Variants in SYNE2 observed in about 807,000 individuals in gnomAD.
SYNE2 encodes nesprin-2.
A neutral mutation model predicts 856.3 loss-of-function variants in SYNE2; 431 were observed. The observed-to-expected ratio is 0.50, with a 90% CI of 0.47 to 0.55. SYNE2 has a LOEUF of 0.55. SYNE2 is among the 20% of genes least tolerant of loss of function. SYNE2 has a pLI of 0.00. For missense variants in SYNE2, 8,129 were observed against 8,023.2 expected (o/e 1.01, Z -0.50); for synonymous variants, 2,923 against 2,872.3 (o/e 1.02, Z -0.56).
At chr14:64,206,113 T>G (rs2098604149) in intron 100 of SYNE2, among the ~76,000 whole-genome samples, 1 of 152,228 alleles carries the variant, frequency 6.6e-6, no homozygotes, top group Non-Finnish European at 1.5e-5. Context: ...CTCATTCTTC[T>G]GGCTGCATTC....
intron 1 of SYNE2, among the ~76,000 whole-genome samples, chr14:63,881,614 A>C (rs1053815504): frequency 1.7e-4 from 26 of 148,596 alleles, no homozygotes; most frequent in African/African-American, 5.9e-4. Context: ...TAAATATATA[A>C]TTATAATTAT....
In SYNE2 at chr14:64,219,422, G is replaced by T; in HGVS notation, c.19860+12G>T. On this transcript the variant is annotated intron_variant, in intron 110 of 115. Transcript: ENST00000555002. ...TGAAGAGACTGCAGGTGAGTTAGAG[G>T]TGTGGTGGGGAAGAGGGATTCAGAA... 2 of 1,613,318 alleles carry T rather than the reference G, an allele frequency of 1.2e-6. No individual in the cohort carries two copies. The highest frequency in any genetic ancestry group is 1.7e-6 in the Non-Finnish European group (2 of 1,179,418).
Position 63,845,743 on chromosome 14 carries a change from C to CTT in SYNE2, c.-304-6744_-304-6743dup, listed in dbSNP as rs762078790. Among the ~76,000 whole-genome samples, 441 of 135,562 alleles carry CTT rather than the reference C, an allele frequency of 3.3e-3. 3 individuals are homozygous for CTT. The highest frequency in any genetic ancestry group is 0.011 in the African/African-American group (403 of 37,080). 88.9% of individuals were successfully genotyped at this position (135,562 alleles called of 152,430 possible). On this transcript the variant is annotated intron_variant, in intron 1 of 23. Coordinates refer to the SYNE2 transcript ENST00000674003. The stretch of plus-strand genomic sequence containing the variant: ...TTGATTTAGGTTTCTTTTTTCTTTT[C>CTT]TTTTTTTTTTTTTTTGAGACATAGT...
chr14:64,052,758 C>A lies in SYNE2; in HGVS notation c.8845C>A (p.His2949Asn). ...CAAGATAAAGTTTTGCAGACAATTC[C>A]ATGAAAAAACATCAGCGCTTCAGGA... The part of the protein sequence containing the change: ...EHKIKFCRQF[H>N]EKTSALQEEA... The change falls in exon 48 of 116, where the codon CAT (histidine) becomes AAT (asparagine). Residue 2949 changes from histidine (H) to asparagine (N), a missense_variant. Around this residue, in one of 3 missense-constraint regions of SYNE2, gnomAD observed 5,410 missense variants for 5,284.8 expected, o/e 1.02. Transcript: ENST00000555002. The A allele has an allele frequency of 2.5e-6, 4 of 1,611,696 alleles. No homozygotes were observed. The highest frequency in any genetic ancestry group is 3.4e-6 in the Non-Finnish European group (4 of 1,179,084).
intron 1 of SYNE2, among the ~76,000 whole-genome samples, chr14:63,892,852 G>A (rs2095167382): frequency 6.6e-6 from 1 of 151,498 alleles, no homozygotes; most frequent in South Asian, 2.1e-4. Flanking sequence ...TATAGGCTAG[G>A]GCTACCATGC....
intron 1 of SYNE2, among the ~76,000 whole-genome samples, chr14:63,826,337 G>A (rs955378924): frequency 3.3e-5 from 5 of 152,120 alleles, no homozygotes; most frequent in African/African-American, 1.2e-4. Context: ...GTCTCGCTCT[G>A]TTGCCAGTCA....
intron 45 of SYNE2, chr14:64,034,548 A>G (rs2097070445): frequency 1.9e-6 from 1 of 532,778 alleles, no homozygotes; most frequent in African/African-American, 1.9e-5. Flanking sequence ...TAGCATGTAT[A>G]TATTTGAATC....
intron 93 of SYNE2, among the ~76,000 whole-genome samples, chr14:64,169,690 C>T (rs1313795460): frequency 6.6e-6 from 1 of 152,188 alleles, no homozygotes; most frequent in Non-Finnish European, 1.5e-5. Flanking sequence ...CAAGCCAGTT[C>T]CAGGATGATA....
chr14:63,792,672 TGTTTG>T (rs746333903), intron 1 of SYNE2, among the ~76,000 whole-genome samples: 4 of 151,586 alleles, frequency 2.6e-5, no homozygotes, highest in South Asian at 4.1e-4. Flanking sequence ...TTTGTTTGTT[TGTTTG>T]TTTTTTAGAG....
chr14:63,884,059 C>CAT (rs2094926923), intron 1 of SYNE2, among the ~76,000 whole-genome samples: 2 of 152,070 alleles, frequency 1.3e-5, no homozygotes, highest in South Asian at 4.1e-4. Context: ...CCGCTCAGGG[C>CAT]GAAGCTTAGA....
chr14:64,040,451 C>A (rs1003895400), intron 45 of SYNE2, among the ~76,000 whole-genome samples: 1 of 151,622 alleles, frequency 6.6e-6, no homozygotes, highest in Non-Finnish European at 1.5e-5. Flanking sequence ...CAAAAAAAGT[C>A]ATTAAATGTA....
At chr14:64,082,552 G>A (rs2097532439) in intron 57 of SYNE2, among the ~76,000 whole-genome samples, 1 of 152,130 alleles carries the variant, frequency 6.6e-6, no homozygotes, top group Non-Finnish European at 1.5e-5. Flanking sequence ...GAGTCAATGA[G>A]AGCCAGCAAG....
intron 2 of SYNE2, among the ~76,000 whole-genome samples, chr14:63,931,132 T>C (rs1391898503): frequency 6.6e-6 from 1 of 152,136 alleles, no homozygotes; most frequent in Non-Finnish European, 1.5e-5. Context: ...AGGGAAAAAC[T>C]CACACATTTG....
chr14:64,168,108 T>G (rs2098391100), intron 92 of SYNE2, among the ~76,000 whole-genome samples: 1 of 152,132 alleles, frequency 6.6e-6, no homozygotes, highest in African/African-American at 2.4e-5. Context: ...AGATCCTGCT[T>G]TTTTTGGTGG....
chr14:64,224,923 AG>A (rs1316212747), intron 114 of SYNE2, 75 bp from the exon 115 acceptor site: 6 of 1,207,742 alleles, frequency 5.0e-6, no homozygotes, highest in Non-Finnish European at 5.8e-6. Flanking sequence ...AATTTAAGGG[AG>A]GATTTTTTTT....
At chr14:64,132,637 T>C (rs10132508) in intron 77 of SYNE2, among the ~76,000 whole-genome samples, 199 bp downstream of exon 77, 2 of 152,160 alleles carry the variant, frequency 1.3e-5, no homozygotes, top group Admixed American at 1.3e-4. Flanking sequence ...CATACATAGA[T>C]TGGGGATGGT....
intron 1 of SYNE2, among the ~76,000 whole-genome samples, chr14:63,810,318 A>C (rs1156587169): frequency 1.3e-5 from 2 of 152,190 alleles, no homozygotes. Context: ...AGCATGTTGA[A>C]TAAGTGATGA....
chr14:63,901,053 T>C (rs978841426), intron 1 of SYNE2, among the ~76,000 whole-genome samples: 1 of 152,242 alleles, frequency 6.6e-6, no homozygotes, highest in East Asian at 1.9e-4. Context: ...TGTTATGATA[T>C]ACCTTCTGGT....
At position 64,052,841 on chromosome 14, in the gene SYNE2, T is replaced by G. The variant is rs373828834; in HGVS notation, c.8928T>G (p.Gly2976=). 6.2e-7 allele frequency: 1 copy of G among 1,613,516 alleles called. No individual in the cohort carries two copies. Among genetic ancestry groups the G allele is most frequent in the Non-Finnish European group, 8.5e-7 (1 of 1,179,938 alleles). Reference sequence around the variant, plus strand: ...TACTTAATCAAGAAGTAAATAAAGGTGTTAAAGAGGAGATCTATAATCTTA... The same window carrying G: ...TACTTAATCAAGAAGTAAATAAAGGGGTTAAAGAGGAGATCTATAATCTTA... ...ELLLNQEVNK[G]VKEEIYNLKD... The change falls in exon 48 of 116, where the codon GGT becomes GGG. Residue 2976 remains glycine, a synonymous_variant. Transcript: ENST00000555002.
Sources: gnomAD v4.1 joint callset for allele counts (sites outside exome capture counted in the v4.1 genomes callset) on GRCh38, gnomAD v4.1.1 for gene constraint, gnomAD v4.1.1 regional missense constraint, MANE v1.5 for transcripts, NCBI Gene and HGNC (gene_info 2026-07-23, HGNC 2026-07-21) for gene names.